Variants in PIEZO2 observed in about 807,000 individuals in gnomAD.
PIEZO2 encodes the protein piezo type mechanosensitive ion channel component 2.
A neutral mutation model predicts 337.3 loss-of-function variants in PIEZO2; 172 were observed. The observed-to-expected ratio is 0.51, with a 90% CI of 0.45 to 0.58. The LOEUF is 0.58. PIEZO2 is among the 20% of genes least tolerant of loss of function. PIEZO2 has a pLI of 0.00. For synonymous variants in PIEZO2, 1,251 were observed against 1,228.5 expected, an observed-to-expected ratio of 1.02 and a Z score of -0.38; for missense variants, 3,028 against 3,391.3, an observed-to-expected ratio of 0.89 and a Z score of 2.66.
In PIEZO2 at chr18:11,083,655, G is replaced by A. The variant is rs940122053; in HGVS notation, c.65-17433C>T. ...GGGCACAGAGTTTTGCCTTTAATCCGATGTGAGGTAGAATCATTTAGGACA... is the reference window on the plus strand; with the variant it reads ...GGGCACAGAGTTTTGCCTTTAATCCAATGTGAGGTAGAATCATTTAGGACA... On this transcript the variant is annotated intron_variant, in intron 1 of 55. Transcript: ENST00000674853. This position sits in a 1 kb window ranked among gnomAD's most constrained non-coding sequence, Gnocchi z 4.4. 2.0e-5 allele frequency among the ~76,000 whole-genome samples: 3 copies of A among 152,250 alleles called. No homozygotes were observed. Among genetic ancestry groups the A allele is most frequent in the South Asian group, 2.1e-4 (1 of 4,822 alleles).
chr18:10,675,946 GT>G (rs1202567564), intron 53 of PIEZO2, among the ~76,000 whole-genome samples: 2 of 152,138 alleles, frequency 1.3e-5, no homozygotes, highest in African/African-American at 2.4e-5. Flanking sequence ...CACCATGATT[GT>G]GAGGCCTCCC....
At chr18:10,931,787 T>C (rs2032105423) in intron 3 of PIEZO2, among the ~76,000 whole-genome samples, 1 of 151,986 alleles carries the variant, frequency 6.6e-6, no homozygotes, top group African/African-American at 2.4e-5. Flanking sequence ...TTTCTTGTAA[T>C]AAAATTATTT....
intron 47 of PIEZO2, among the ~76,000 whole-genome samples, chr18:10,694,541 A>G (rs1489146047): frequency 6.6e-6 from 1 of 152,192 alleles, no homozygotes; most frequent in Non-Finnish European, 1.5e-5. Flanking sequence ...TTAAAATAGT[A>G]CATCATTGAC....
At chr18:10,735,627 G>A (rs1454543876) in intron 34 of PIEZO2, among the ~76,000 whole-genome samples, 3 of 152,220 alleles carry the variant, frequency 2.0e-5, no homozygotes, top group Non-Finnish European at 4.4e-5. Context: ...TAAGTCATTA[G>A]TATTTGATAA....
At chr18:10,675,359 G>T in intron 53 of PIEZO2, 71 bp from the exon 54 acceptor site, 2 of 960,604 alleles carry the variant, frequency 2.1e-6, no homozygotes, top group Non-Finnish European at 3.0e-6. Flanking sequence ...ATTTTTTGTT[G>T]TTATTGTTGA....
intron 3 of PIEZO2, among the ~76,000 whole-genome samples, chr18:10,966,779 C>T (rs1672859454): frequency 1.3e-5 from 2 of 152,100 alleles, no homozygotes; most frequent in Admixed American, 6.5e-5. Context: ...ACCTCCTGCC[C>T]TTTCCCCCGA....
chr18:10,725,424 C>T (rs1459240207), intron 36 of PIEZO2: 1 of 1,602,828 alleles, frequency 6.2e-7, no homozygotes, highest in Non-Finnish European at 8.5e-7. Context: ...CAGAGCCCGC[C>T]AGTACTGGTT....
In PIEZO2 at chr18:11,008,088, G is replaced by C. The variant is rs542016378; in HGVS notation, c.161-28428C>G. On this transcript the variant is annotated intron_variant, in intron 2 of 55. Coordinates refer to ENST00000674853, the MANE Select transcript of PIEZO2 (RefSeq NM_001378183.1). Reference sequence around the variant, plus strand: ...AAAAGTGCAATATATGTATATATGAGGAAAACATAAGCCTGGGAATCCTTT... The same window carrying C: ...AAAAGTGCAATATATGTATATATGACGAAAACATAAGCCTGGGAATCCTTT... 5.9e-5 allele frequency among the ~76,000 whole-genome samples: 9 copies of C among 152,232 alleles called. No homozygotes were observed. The East Asian group carries it at 1.7e-3, about 29-fold the overall frequency.
chr18:10,838,302 T>C (rs1421673332), intron 7 of PIEZO2, among the ~76,000 whole-genome samples: 1 of 152,240 alleles, frequency 6.6e-6, no homozygotes, highest in Admixed American at 6.5e-5. Flanking sequence ...TTCTTACTTA[T>C]GCTTTAAACA....
chr18:11,022,297 A>G (rs902282121), intron 2 of PIEZO2, among the ~76,000 whole-genome samples: 3 of 151,806 alleles, frequency 2.0e-5, no homozygotes, highest in Non-Finnish European at 4.4e-5. Flanking sequence ...TTGTTCTGAG[A>G]AAAAAAAAGT....
In PIEZO2 at chr18:10,953,773, C is replaced by A. The variant is rs998492895; in HGVS notation, c.286+25762G>T. ...CTACTCATGGTCCTGCGGGAGGACA[C>A]TGCACACCACACAGGGCCACACCGG... is the stretch of plus-strand genomic sequence containing the variant. On this transcript the variant is annotated intron_variant, in intron 3 of 55. Transcript: ENST00000674853. This position sits in a 1 kb window ranked among gnomAD's most constrained non-coding sequence, Gnocchi z 5.2. Among the ~76,000 whole-genome samples the A allele has an allele frequency of 6.6e-6, 1 of 152,150 alleles. No homozygotes were observed. The highest frequency in any genetic ancestry group is 1.5e-5 in the Non-Finnish European group (1 of 68,022).
Position 10,882,842 on chromosome 18 carries a change from C to CTTTT in PIEZO2, c.330-11431_330-11428dup, listed in dbSNP as rs35740624. 2.3e-5 allele frequency among the ~76,000 whole-genome samples: 3 copies of CTTTT among 128,200 alleles called. 1 individual carries two copies. The highest frequency in any genetic ancestry group is 4.7e-5 in the Non-Finnish European group (3 of 63,800). 84.1% of individuals were successfully genotyped at this position (128,200 alleles called of 152,430 possible). A position where few individuals can be genotyped will look rare whatever the true frequency, so the allele number is the denominator to read the frequency against. On this transcript the variant is annotated intron_variant, in intron 4 of 55. Coordinates refer to ENST00000674853, the MANE Select transcript of PIEZO2 (RefSeq NM_001378183.1). Reference sequence around the variant, plus strand: ...CATATGTACCACATTTTCTTTTTTTCTTTTTTTTTTTTTTTGAGATGGAGT... The same window carrying CTTTT: ...CATATGTACCACATTTTCTTTTTTTCTTTTTTTTTTTTTTTTTTTGAGATGGAGT...
Position 10,707,283 on chromosome 18 carries a change from G to A in PIEZO2, c.5588+992C>T, listed in dbSNP as rs1047622813. 2.0e-5 allele frequency among the ~76,000 whole-genome samples: 3 copies of A among 152,138 alleles called. No individual in the cohort carries two copies. The highest frequency in any genetic ancestry group is 7.2e-5 in the African/African-American group (3 of 41,404). ...ATCAGTCCTAATCATGCTCCCTTTGGTTTGGATCTCTTGTAGCACCAAGGG... is the reference window on the plus strand; with the variant it reads ...ATCAGTCCTAATCATGCTCCCTTTGATTTGGATCTCTTGTAGCACCAAGGG... On this transcript the variant is annotated intron_variant, in intron 40 of 55. Transcript: ENST00000674853. This position sits in a 1 kb window ranked among gnomAD's most constrained non-coding sequence, Gnocchi z 4.2.
rs2146304958 is a variant in PIEZO2 at position 11,146,383 on chromosome 18, A to G, written c.64+2142T>C. Among the ~76,000 whole-genome samples, 1 of 152,216 alleles carries G rather than the reference A, an allele frequency of 6.6e-6. No homozygotes were observed. The highest frequency in any genetic ancestry group is 3.4e-3 in the Middle Eastern group (1 of 294). Reference sequence around the variant, plus strand: ...GTGAACAGTGTGCGGGCACCACAGAAGAAGCTCGGTGGGGGTCCCAGTGGT... The same window carrying G: ...GTGAACAGTGTGCGGGCACCACAGAGGAAGCTCGGTGGGGGTCCCAGTGGT... On this transcript the variant is annotated intron_variant, in intron 1 of 55. Transcript: ENST00000674853. The surrounding 1 kb of genome is among the most constrained non-coding windows in gnomAD (Gnocchi z 6.1).
In PIEZO2 at chr18:10,797,395, G is replaced by A; in HGVS notation, c.1506C>T (p.Ile502=). Residue 502 remains isoleucine (I), a synonymous_variant, in exon 12 of 56, where the codon ATC becomes ATT. Coordinates refer to ENST00000674853, the MANE Select transcript of PIEZO2 (RefSeq NM_001378183.1). ...VFQFIMKQSY[I]CALIAMMAWS... ...ATACCATCATAGCTATGAGGGCACA[G>A]ATGTAACTTTGTTTCATAATAAATT... 6 of 1,536,876 alleles carry A rather than the reference G, an allele frequency of 3.9e-6. No homozygotes were observed. The highest frequency in any genetic ancestry group is 1.7e-4 in the Middle Eastern group (1 of 5,988).
intron 47 of PIEZO2, among the ~76,000 whole-genome samples, chr18:10,694,574 C>T (rs1598364656): frequency 6.6e-6 from 1 of 152,122 alleles, no homozygotes; most frequent in African/African-American, 2.4e-5. Context: ...CTCATGCCTG[C>T]AATCCTAGCA....
At chr18:11,090,636 T>C (rs956176677) in intron 1 of PIEZO2, among the ~76,000 whole-genome samples, 10 of 152,320 alleles carry the variant, frequency 6.6e-5, no homozygotes, top group African/African-American at 2.4e-4. Flanking sequence ...CATGTTATCT[T>C]TCCAATCAGA....
intron 4 of PIEZO2, among the ~76,000 whole-genome samples, chr18:10,900,989 A>G (rs1158333686): frequency 2.6e-5 from 4 of 152,242 alleles, no homozygotes; most frequent in Admixed American, 6.5e-5. Flanking sequence ...AATGTTTTTC[A>G]AATGAAAGAA....
chr18:10,803,749 T>C, intron 9 of PIEZO2, 126 bp downstream of exon 9: 2 of 1,219,904 alleles, frequency 1.6e-6, no homozygotes, highest in Non-Finnish European at 2.2e-6. Context: ...CCTAAATCAC[T>C]GTTTCTATAA....
Sources: allele counts gnomAD v4.1 joint callset (sites outside exome capture counted in the v4.1 genomes callset), GRCh38; gene constraint gnomAD v4.1.1; non-coding constraint Gnocchi (gnomAD v3.1); transcripts MANE v1.5; gene names NCBI Gene and HGNC (gene_info 2026-07-23, HGNC 2026-07-21).